The following VPS33A variants were observed in gnomAD, a reference collection of about 807,000 sequenced individuals.
The protein encoded by VPS33A is VPS33A core subunit of CORVET and HOPS complexes, also known as vacuolar protein sorting-associated protein 33A.
In VPS33A, 32 loss-of-function variants were observed where a neutral mutation model predicts 71.8. The ratio of observed to expected loss-of-function variants is 0.45; its 90% confidence interval spans 0.34 to 0.60. The LOEUF is 0.60. VPS33A is among the 20% of genes least tolerant of loss of function. The probability of loss-of-function intolerance (pLI) is 0.02; values close to 1 mark genes in which losing one functional copy is unlikely to be tolerated. For synonymous variants in VPS33A, 311 were observed against 292.7 expected (o/e 1.06, Z -0.64); for missense variants, 625 against 748.5 (o/e 0.84, Z 1.92).
chr12:122,265,971 C>T (rs553072843), intron 1 of VPS33A, among the ~76,000 whole-genome samples: 1 of 152,348 alleles, frequency 6.6e-6, no homozygotes, highest in East Asian at 1.9e-4. Flanking sequence ...GACACTGGAC[C>T]ATCCACATTC....
At chr12:122,261,731 A>G (rs1954998302) in intron 3 of VPS33A, among the ~76,000 whole-genome samples, 1 of 151,086 alleles carries the variant, frequency 6.6e-6, no homozygotes, top group Non-Finnish European at 1.5e-5. Context: ...GGCTGGGCGC[A>G]GTGGCTCATG....
intron 11 of VPS33A, among the ~76,000 whole-genome samples, chr12:122,233,503 G>A (rs1164890569): frequency 6.6e-6 from 1 of 152,174 alleles, no homozygotes; most frequent in Non-Finnish European, 1.5e-5. Context: ...TGGGATTACA[G>A]GCCTGAGCCA....
intron 4 of VPS33A, 71 bp downstream of exon 4, chr12:122,261,190 T>C: frequency 1.5e-6 from 2 of 1,321,856 alleles, no homozygotes; most frequent in Non-Finnish European, 2.1e-6. Context: ...CAGTAATCAG[T>C]ACTGTGGTAT....
chr12:122,247,662 T>C (rs2136135444), intron 6 of VPS33A, among the ~76,000 whole-genome samples: 1 of 152,294 alleles, frequency 6.6e-6, no homozygotes, highest in Non-Finnish European at 1.5e-5. Flanking sequence ...AATTACTACT[T>C]TGTTTTACAG....
intron 6 of VPS33A, among the ~76,000 whole-genome samples, chr12:122,245,501 T>C (rs1436357856): frequency 6.7e-6 from 1 of 150,226 alleles, no homozygotes; most frequent in African/African-American, 2.5e-5. Flanking sequence ...TGGAGTGCAA[T>C]GGCACGATCT....
intron 11 of VPS33A, among the ~76,000 whole-genome samples, chr12:122,235,088 C>G (rs534001926): frequency 2.6e-5 from 4 of 152,084 alleles, no homozygotes; most frequent in African/African-American, 9.6e-5. Context: ...CAGTGATCCT[C>G]TAACCACAGC....
At chr12:122,239,531 G>A (rs969839314) in intron 9 of VPS33A, among the ~76,000 whole-genome samples, 2 of 152,020 alleles carry the variant, frequency 1.3e-5, no homozygotes, top group Non-Finnish European at 2.9e-5. Flanking sequence ...GTCGGAGATC[G>A]AGACCATCCT....
chr12:122,251,552 G>A (rs1954843738), intron 4 of VPS33A, among the ~76,000 whole-genome samples: 1 of 152,158 alleles, frequency 6.6e-6, no homozygotes, highest in Non-Finnish European at 1.5e-5. Context: ...AAAAGGATGA[G>A]GCAGATTTTC....
At position 122,235,934 on chromosome 12, in the gene VPS33A, A is replaced by G. The variant is rs746363099; in HGVS notation, c.1303-11T>C. On this transcript the variant is annotated splice_polypyrimidine_tract_variant and intron_variant, in intron 10 of 12. Coordinates refer to ENST00000267199, the MANE Select transcript of VPS33A (RefSeq NM_022916.6). Reference sequence around the variant, plus strand: ...CTCATAGCCGTATGTCTGCAAGGGAAGTCATTTGGCCTTGATGTCAGATCA... The same window carrying G: ...CTCATAGCCGTATGTCTGCAAGGGAGGTCATTTGGCCTTGATGTCAGATCA... The G allele has an allele frequency of 1.3e-6, 2 of 1,595,242 alleles. No homozygotes were observed. Among genetic ancestry groups the G allele is most frequent in the Non-Finnish European group, 1.7e-6 (2 of 1,172,296 alleles).
At position 122,238,711 on chromosome 12, in the gene VPS33A, A is replaced by G. The variant is rs750553008; in HGVS notation, c.1178T>C (p.Ile393Thr). Reference protein sequence around the residue: ...GIDTDKVNNYIEDCIAQKHSL... With the variant: ...GIDTDKVNNYTEDCIAQKHSL... ...GTGCTTTTGGGCGATACAATCCTCAATGTAATTGTTGACCTGGAAATAAAG... is the reference window on the plus strand; with the variant it reads ...GTGCTTTTGGGCGATACAATCCTCAGTGTAATTGTTGACCTGGAAATAAAG... Residue 393 changes from isoleucine to threonine, a missense_variant, in exon 10 of 13, where the codon ATT (isoleucine) becomes ACT (threonine). Transcript: ENST00000267199. The G allele has an allele frequency of 1.1e-5, 18 of 1,612,792 alleles. No homozygotes were observed. The South Asian group carries it at 1.4e-4, about 13-fold the overall frequency.
intron 9 of VPS33A, 34 bp downstream of exon 9, chr12:122,239,844 A>G (rs867347576): frequency 1.3e-6 from 2 of 1,534,398 alleles, no homozygotes; most frequent in Middle Eastern, 1.7e-4. Context: ...TAAGCTTTCA[A>G]TTACTTGTTA....
At chr12:122,237,537 T>TC (rs1452846283) in intron 10 of VPS33A, among the ~76,000 whole-genome samples, 7 of 138,596 alleles carry the variant, frequency 5.1e-5, no homozygotes, top group African/African-American at 1.8e-4. Context: ...AGTTTTTCTT[T>TC]TTTTTTTTTT....
intron 8 of VPS33A, chr12:122,240,909 CG>C (rs1353812574): frequency 6.6e-6 from 1 of 152,024 alleles, no homozygotes; most frequent in East Asian, 1.9e-4. Context: ...CCAAGGCAGG[CG>C]GATCACCTGA....
At chr12:122,251,534 T>A (rs948247211) in intron 4 of VPS33A, among the ~76,000 whole-genome samples, 10 of 152,176 alleles carry the variant, frequency 6.6e-5, no homozygotes, top group African/African-American at 2.2e-4. Context: ...AATACTTTAT[T>A]GTTTTCAAAA....
chr12:122,252,332 G>A (rs1026930487), intron 4 of VPS33A, among the ~76,000 whole-genome samples: 2 of 151,654 alleles, frequency 1.3e-5, no homozygotes, highest in Admixed American at 6.6e-5. Context: ...GCAGTGGCGC[G>A]ATCTCGGCTC....
chr12:122,232,939 A>G lies in VPS33A; in HGVS notation c.1470T>C (p.Ser490=). The change falls in exon 12 of 13, where the codon AGT becomes AGC. Residue 490 remains serine, a synonymous_variant. Coordinates refer to ENST00000267199, the MANE Select transcript of VPS33A (RefSeq NM_022916.6). ...GCCGCACACTGAGCGGGGCATACCC[A>G]CTGTACACATACGATATGTCCGTGG... ...QNPTDISYVY[S]GYAPLSVRLA... 6.2e-7 allele frequency: 1 copy of G among 1,613,356 alleles called. No homozygotes were observed. The highest frequency in any genetic ancestry group is 1.3e-5 in the African/African-American group (1 of 75,026).
chr12:122,257,808 A>G (rs1566050745), intron 4 of VPS33A, among the ~76,000 whole-genome samples: 1 of 152,154 alleles, frequency 6.6e-6, no homozygotes, highest in Non-Finnish European at 1.5e-5. Flanking sequence ...TTCAAAGCTT[A>G]TGGCAAAGCT....
intron 11 of VPS33A, among the ~76,000 whole-genome samples, chr12:122,235,400 G>C (rs1238736750): frequency 6.6e-6 from 1 of 151,948 alleles, no homozygotes; most frequent in East Asian, 1.9e-4. Flanking sequence ...AAGTAGATGG[G>C]ATTACAGGCA....
intron 6 of VPS33A, 44 bp downstream of exon 6, chr12:122,249,824 ATTC>A: frequency 6.5e-7 from 1 of 1,537,320 alleles, no homozygotes; most frequent in Admixed American, 1.9e-5. Flanking sequence ...CACAAAGGAT[ATTC>A]TTCTCATATT....
Sources: allele counts gnomAD v4.1 joint callset (sites outside exome capture counted in the v4.1 genomes callset), GRCh38; gene constraint gnomAD v4.1.1; transcripts MANE v1.5; gene names NCBI Gene and HGNC (gene_info 2026-07-23, HGNC 2026-07-21).